ADAMTS2: variants seen among roughly 807,000 people sequenced by gnomAD.
ADAMTS2 encodes A disintegrin and metalloproteinase with thrombospondin motifs 2.
ADAMTS2 carries 50 observed loss-of-function variants against 123.0 expected under a neutral mutation model. The observed-to-expected ratio is 0.41, with a 90% CI of 0.32 to 0.51. ADAMTS2 has a LOEUF of 0.51. Among genes scored for constraint, ADAMTS2 ranks in the 20% least tolerant of loss-of-function variants. The probability of loss-of-function intolerance (pLI) is 0.35; values close to 1 mark genes in which losing one functional copy is unlikely to be tolerated. For synonymous variants in ADAMTS2, 678 were observed against 695.4 expected, an observed-to-expected ratio of 0.98 and a Z score of 0.39; for missense variants, 1,494 against 1,705.2, an observed-to-expected ratio of 0.88 and a Z score of 2.18.
At chr5:179,198,403 T>G (rs942420668) in intron 4 of ADAMTS2, among the ~76,000 whole-genome samples, 1 of 152,200 alleles carries the variant, frequency 6.6e-6, no homozygotes, top group African/African-American at 2.4e-5. Context: ...GAGACCCCTC[T>G]GCCCTTAGAC....
chr5:179,187,990 C>T (rs939089465), intron 4 of ADAMTS2, among the ~76,000 whole-genome samples: 6 of 151,862 alleles, frequency 4.0e-5, no homozygotes, highest in African/African-American at 1.2e-4. Flanking sequence ...AGGTGGCCTG[C>T]GGCTGCTGGG....
chr5:179,111,781 A>C lies in ADAMTS2; in HGVS notation c.*2086T>G, dbSNP rs1477929669. The stretch of plus-strand genomic sequence containing the variant: ...CCAAGTAAGAACTGCCCAGTTCTTC[A>C]GCCTGTGAATAGCACCAGCTGTCCT... On this transcript the variant is annotated 3_prime_UTR_variant, in exon 22 of 22. Transcript: ENST00000251582. 6.6e-6 allele frequency: 1 copy of C among 152,306 alleles called. No individual in the cohort carries two copies. The highest frequency in any genetic ancestry group is 1.5e-5 in the Non-Finnish European group (1 of 68,082). 9.4% of individuals were successfully genotyped at this position (152,306 alleles called of 1,614,324 possible).
At chr5:179,268,807 C>T (rs1442437730) in intron 3 of ADAMTS2, among the ~76,000 whole-genome samples, 1 of 152,192 alleles carries the variant, frequency 6.6e-6, no homozygotes, top group Non-Finnish European at 1.5e-5. Flanking sequence ...TACAGTGCTG[C>T]TCCTCCGCGT....
chr5:179,216,686 C>T (rs1426066356), intron 3 of ADAMTS2, among the ~76,000 whole-genome samples: 3 of 152,276 alleles, frequency 2.0e-5, no homozygotes, highest in Non-Finnish European at 4.4e-5. Flanking sequence ...AGCCTCCATC[C>T]AGCGGGGGCA....
At chr5:179,227,010 T>C (rs1462929405) in intron 3 of ADAMTS2, among the ~76,000 whole-genome samples, 3 of 152,106 alleles carry the variant, frequency 2.0e-5, no homozygotes, top group Admixed American at 2.0e-4. Context: ...GCACACGGTG[T>C]AGTCTACAGT....
At chr5:179,152,974 G>C (rs557152869) in intron 9 of ADAMTS2, among the ~76,000 whole-genome samples, 1 of 152,182 alleles carries the variant, frequency 6.6e-6, no homozygotes, top group Non-Finnish European at 1.5e-5. Flanking sequence ...CAGCAGAGGC[G>C]AGCATTAAGA....
intron 2 of ADAMTS2, among the ~76,000 whole-genome samples, chr5:179,339,806 G>A (rs1757716800): frequency 1.3e-5 from 2 of 152,220 alleles, no homozygotes; most frequent in African/African-American, 2.4e-5. Context: ...CACAGTCCCA[G>A]GACCCGCTCA....
intron 3 of ADAMTS2, among the ~76,000 whole-genome samples, 196 bp from the exon 4 acceptor site, chr5:179,207,911 C>T (rs1416261419): frequency 6.6e-6 from 1 of 152,148 alleles, no homozygotes; most frequent in East Asian, 1.9e-4. Context: ...CACAGCAGGG[C>T]CCAGACAGGC....
chr5:179,139,285 C>T (rs978494108), intron 11 of ADAMTS2, among the ~76,000 whole-genome samples: 5 of 151,102 alleles, frequency 3.3e-5, no homozygotes, highest in African/African-American at 1.2e-4. Flanking sequence ...AAAGTGGCTG[C>T]GGGCTGAGGA....
At position 179,170,716 on chromosome 5, in the gene ADAMTS2, T is replaced by C. The variant is rs1432229502; in HGVS notation, c.975+10356A>G. On this transcript the variant is annotated intron_variant, in intron 5 of 21. Transcript: ENST00000251582. This position sits in a 1 kb window ranked among gnomAD's most constrained non-coding sequence, Gnocchi z 4.3. ...TCCCCTATTGCCTGCCACCCTGCTG[T>C]ATTCCTTGCCGGTGCTCACCACTCT... 6.6e-6 allele frequency among the ~76,000 whole-genome samples: 1 copy of C among 152,202 alleles called. No individual in the cohort carries two copies. The highest frequency in any genetic ancestry group is 1.5e-5 in the Non-Finnish European group (1 of 68,024).
intron 5 of ADAMTS2, among the ~76,000 whole-genome samples, chr5:179,178,402 C>T (rs1763977430): frequency 6.6e-6 from 1 of 152,240 alleles, no homozygotes; most frequent in African/African-American, 2.4e-5. Flanking sequence ...CTCTCTCTGC[C>T]CTCCTAGCCA....
chr5:179,292,331 C>T (rs1451495759), intron 2 of ADAMTS2, among the ~76,000 whole-genome samples: 1 of 124,126 alleles, frequency 8.1e-6, no homozygotes, highest in African/African-American at 2.9e-5. Flanking sequence ...AACAGCTTTG[C>T]TATTACCCCC....
chr5:179,212,258 G>C (rs1460589689), intron 3 of ADAMTS2, among the ~76,000 whole-genome samples: 1 of 146,130 alleles, frequency 6.8e-6, no homozygotes, highest in African/African-American at 2.5e-5. Flanking sequence ...GTGGGCAGGT[G>C]TGGGCTCTGA....
intron 2 of ADAMTS2, among the ~76,000 whole-genome samples, chr5:179,335,676 G>T (rs1006912592): frequency 2.6e-5 from 4 of 152,182 alleles, no homozygotes; most frequent in African/African-American, 9.6e-5. Flanking sequence ...TATGCTCACA[G>T]CTCTCAAGCC....
chr5:179,333,563 C>A (rs944565448), intron 2 of ADAMTS2, among the ~76,000 whole-genome samples: 2 of 149,558 alleles, frequency 1.3e-5, no homozygotes, highest in Non-Finnish European at 3.0e-5. Flanking sequence ...AAATGCTCTT[C>A]TGCAAGACAA....
chr5:179,274,602 G>A (rs536640491), intron 2 of ADAMTS2, among the ~76,000 whole-genome samples: 3 of 152,216 alleles, frequency 2.0e-5, no homozygotes, highest in South Asian at 2.1e-4. Flanking sequence ...GGGGGGGCAC[G>A]GTGGCGCACG....
intron 2 of ADAMTS2, among the ~76,000 whole-genome samples, chr5:179,275,897 C>T (rs1002836315): frequency 1.3e-5 from 2 of 152,176 alleles, no homozygotes; most frequent in African/African-American, 2.4e-5. Context: ...TGCCATTCTC[C>T]GAGGGGCATG....
rs1249403232 is a variant in ADAMTS2, at chr5:179,185,450, T to A, written c.892-4295A>T. Among the ~76,000 whole-genome samples, 5 of 152,084 alleles carry A rather than the reference T, an allele frequency of 3.3e-5. No homozygotes were observed. The highest frequency in any genetic ancestry group is 7.4e-5 in the Non-Finnish European group (5 of 67,988). On this transcript the variant is annotated intron_variant, in intron 4 of 21. Coordinates refer to ENST00000251582, the MANE Select transcript of ADAMTS2 (RefSeq NM_014244.5). This position sits in a 1 kb window ranked among gnomAD's most constrained non-coding sequence, Gnocchi z 5.9. ...GGGAGGAGATGCGGGGCTGGCCCTC[T>A]CCTGGCTCCTGGCCAGGCCCTGCCC...
Position 179,126,120 on chromosome 5 carries a change from G to GA in ADAMTS2, c.2627dup (p.Thr877HisfsTer51). 6.2e-7 allele frequency: 1 copy of GA among 1,613,312 alleles called. No individual in the cohort carries two copies. Among genetic ancestry groups the GA allele is most frequent in the Non-Finnish European group, 8.5e-7 (1 of 1,180,026 alleles). ...GCCTCCGGCGGCAGCCATACTTGGTGAACTGGGACCCTGAAGGCAGAGAGC... is the reference window on the plus strand; with the variant it reads ...GCCTCCGGCGGCAGCCATACTTGGTGAAACTGGGACCCTGAAGGCAGAGAGC... On this transcript the variant is annotated frameshift_variant, in exon 18 of 22. Coordinates refer to ENST00000251582, the MANE Select transcript of ADAMTS2 (RefSeq NM_014244.5). LOFTEE classifies it high-confidence loss of function.
Sources: gnomAD v4.1 joint callset for allele counts (sites outside exome capture counted in the v4.1 genomes callset) on GRCh38, gnomAD v4.1.1 for gene constraint, Gnocchi (gnomAD v3.1) non-coding constraint, MANE v1.5 for transcripts, NCBI Gene and HGNC (gene_info 2026-07-23, HGNC 2026-07-21) for gene names.